Variants in TULP3 observed in about 807,000 individuals in gnomAD.
TULP3 encodes tubby-related protein 3.
Under a neutral mutation model 50.7 loss-of-function variants are expected in TULP3, and 38 were observed. The observed-to-expected ratio is 0.75, with a 90% CI of 0.58 to 0.98. TULP3 has a LOEUF of 0.98. Among genes scored for constraint, TULP3 ranks in the 50% least tolerant of loss-of-function variants. The pLI is 0.00. For synonymous variants in TULP3, 183 were observed against 196.6 expected (o/e 0.93, Z 0.58); for missense variants, 550 against 568.0 (o/e 0.97, Z 0.32).
chr12:2,929,657 C>A (rs918825578), intron 4 of TULP3, among the ~76,000 whole-genome samples: 1 of 151,916 alleles, frequency 6.6e-6, no homozygotes, highest in African/African-American at 2.4e-5. Context: ...GTGGCACAGT[C>A]TCGGCTCGCT....
intron 4 of TULP3, among the ~76,000 whole-genome samples, chr12:2,925,460 G>A (rs1014624481): frequency 1.3e-5 from 2 of 152,162 alleles, no homozygotes; most frequent in East Asian, 1.9e-4. Flanking sequence ...GGGTGATTCC[G>A]CTGAACAAAG....
At chr12:2,901,312 C>CTTTTTTTT in intron 1 of TULP3, among the ~76,000 whole-genome samples, 1 of 104,146 alleles carries the variant, frequency 9.6e-6, no homozygotes, top group Non-Finnish European at 1.8e-5. Flanking sequence ...TTCTTTCTTT[C>CTTTTTTTT]TTTTTTTTTT....
chr12:2,913,973 T>A (rs1001740687), intron 2 of TULP3, among the ~76,000 whole-genome samples: 56 of 152,324 alleles, frequency 3.7e-4, no homozygotes, highest in Middle Eastern at 3.4e-3. Context: ...CACATGATAT[T>A]TGATATTTGA....
At chr12:2,902,228 A>C (rs890476755) in intron 1 of TULP3, among the ~76,000 whole-genome samples, 1 of 152,208 alleles carries the variant, frequency 6.6e-6, no homozygotes, top group Non-Finnish European at 1.5e-5. Flanking sequence ...TTGTTGCATT[A>C]ATGAGAGAAG....
chr12:2,909,696 C>G, intron 2 of TULP3, 116 bp downstream of exon 2: 4 of 1,096,834 alleles, frequency 3.6e-6, no homozygotes, highest in Admixed American at 2.5e-5. Flanking sequence ...AAGGAGAAGG[C>G]TCGGGTGGTT....
rs1224930279 is a variant in TULP3 at position 2,890,993 on chromosome 12, GA to G, written c.41+6del. 6.3e-7 allele frequency: 1 copy of G among 1,588,266 alleles called. No homozygotes were observed. The highest frequency in any genetic ancestry group is 1.4e-5 in the African/African-American group (1 of 73,962). On this transcript the variant is annotated splice_donor_region_variant and intron_variant, in intron 1 of 10. Transcript: ENST00000448120. The stretch of plus-strand genomic sequence containing the variant: ...GCTCAGTCCCAGCGGCGACAGGTCA[GA>G]CAGGGCCGTGGCAGGTCTCCTCCTG...
chr12:2,899,667 G>A (rs893852084), intron 1 of TULP3, among the ~76,000 whole-genome samples: 7 of 152,144 alleles, frequency 4.6e-5, no homozygotes, highest in African/African-American at 1.7e-4. Flanking sequence ...GCCAAGGTGG[G>A]CGGATCACGA....
At chr12:2,908,361 CGA>C (rs2098183591) in intron 1 of TULP3, among the ~76,000 whole-genome samples, 1 of 152,000 alleles carries the variant, frequency 6.6e-6, no homozygotes, top group South Asian at 2.1e-4. Flanking sequence ...CCAAGAATGC[CGA>C]GTCACAAAAT....
chr12:2,890,892 C>A lies in TULP3; in HGVS notation c.-56C>A. ...ACGCGGCGGCGTGCCAGCCTAGCCA[C>A]TCTAGCGACGGCGGGGAAGAGTGTG... On this transcript the variant is annotated 5_prime_UTR_variant, in exon 1 of 11. Transcript: ENST00000448120. 1 of 1,525,590 alleles carries A rather than the reference C, an allele frequency of 6.6e-7. No homozygotes were observed. The highest frequency in any genetic ancestry group is 8.8e-7 in the Non-Finnish European group (1 of 1,134,476). The allele number at this position is 1,525,590 out of a possible 1,614,324, so 94.5% of individuals were successfully genotyped here.
chr12:2,916,426 C>G lies in TULP3; in HGVS notation c.94-4337C>G, dbSNP rs1287747015. On this transcript the variant is annotated intron_variant, in intron 2 of 10. Transcript: ENST00000448120. ...ATTTTAGCAGGATAGTAAGACATAC[C>G]ACTAAATTCTTGGGAAGATAGATTC... Among the ~76,000 whole-genome samples, 3 of 143,016 alleles carry G rather than the reference C, an allele frequency of 2.1e-5. No individual in the cohort carries two copies. In the East Asian group the frequency reaches 6.2e-4, roughly 30 times the overall value. 93.8% of individuals were successfully genotyped at this position (143,016 alleles called of 152,430 possible).
chr12:2,940,604 C>T lies in TULP3; in HGVS notation c.*1160C>T. 4 of 1,551,750 alleles carry T rather than the reference C, an allele frequency of 2.6e-6. No homozygotes were observed. Among genetic ancestry groups the T allele is most frequent in the Non-Finnish European group, 3.5e-6 (4 of 1,146,996 alleles). ...GCACCATTCAGCTGCATCCCTTGTG[C>T]ACAGAACTGTTTGCCAGCGTTGGGT... On this transcript the variant is annotated 3_prime_UTR_variant, in exon 11 of 11. Transcript: ENST00000448120.
At position 2,925,092 on chromosome 12, in the gene TULP3, C is replaced by T. The variant is rs189360617; in HGVS notation, c.394+2690C>T. 9.0e-4 allele frequency among the ~76,000 whole-genome samples: 137 copies of T among 151,704 alleles called. No individual in the cohort carries two copies. The Middle Eastern group carries it at 0.01, about 11-fold the overall frequency. On this transcript the variant is annotated intron_variant, in intron 4 of 10. Coordinates refer to ENST00000448120, the MANE Select transcript of TULP3 (RefSeq NM_003324.5). The stretch of plus-strand genomic sequence containing the variant: ...TTGAGGCACGAGAATGGCGTGAACC[C>T]GGGAGGCGGAGCTTGCAGTGAGCCG...
At chr12:2,900,068 A>AG (rs2098178203) in intron 1 of TULP3, among the ~76,000 whole-genome samples, 2 of 151,100 alleles carry the variant, frequency 1.3e-5, no homozygotes, top group African/African-American at 2.4e-5. Flanking sequence ...TACAAAAAAA[A>AG]TAAAAAATTA....
chr12:2,900,031 G>A (rs1222362702), intron 1 of TULP3, among the ~76,000 whole-genome samples: 1 of 151,428 alleles, frequency 6.6e-6, no homozygotes, highest in African/African-American at 2.4e-5. Flanking sequence ...CCTGGCCAAT[G>A]TGTTGGAACC....
At chr12:2,927,427 T>A (rs1256468399) in intron 4 of TULP3, among the ~76,000 whole-genome samples, 1 of 144,054 alleles carries the variant, frequency 6.9e-6, no homozygotes, top group African/African-American at 2.6e-5. Flanking sequence ...AGTGCAGTGA[T>A]GTGATCTCGG....
chr12:2,904,312 CAGTT>C, intron 1 of TULP3, among the ~76,000 whole-genome samples: 1 of 152,164 alleles, frequency 6.6e-6, no homozygotes, highest in South Asian at 2.1e-4. Context: ...TAGTTATCTT[CAGTT>C]AGTTTTTATT....
At position 2,903,754 on chromosome 12, in the gene TULP3, T is replaced by G. The variant is rs572636784; in HGVS notation, c.42-5775T>G. Among the ~76,000 whole-genome samples the G allele has an allele frequency of 4.9e-4, 74 of 152,164 alleles. No individual in the cohort carries two copies. In the South Asian group the frequency reaches 9.1e-3, roughly 19 times the overall value. ...ATCCCTCTATACCTTTCACCAAGTT[T>G]CCCCTAATGTTAACGTCTTCTTTTT... is the stretch of plus-strand genomic sequence containing the variant. On this transcript the variant is annotated intron_variant, in intron 1 of 10. Coordinates refer to ENST00000448120, the MANE Select transcript of TULP3 (RefSeq NM_003324.5).
At chr12:2,921,220 ACCT>A (rs370729823) in intron 3 of TULP3, among the ~76,000 whole-genome samples, 79 of 151,358 alleles carry the variant, frequency 5.2e-4, no homozygotes, top group Middle Eastern at 6.8e-3. Flanking sequence ...CTCACTGCCA[ACCT>A]CCTCCTCCCA....
intron 3 of TULP3, among the ~76,000 whole-genome samples, chr12:2,922,019 G>C (rs2098192049): frequency 6.6e-6 from 1 of 152,160 alleles, no homozygotes; most frequent in Admixed American, 6.5e-5. Flanking sequence ...GGAAGTCGAG[G>C]CTACAGTGAG....
Sources: gnomAD v4.1 joint callset for allele counts (sites outside exome capture counted in the v4.1 genomes callset) on GRCh38, gnomAD v4.1.1 for gene constraint, MANE v1.5 for transcripts, NCBI Gene and HGNC (gene_info 2026-07-23, HGNC 2026-07-21) for gene names.